The following FBXL17 variants were observed in gnomAD, a reference collection of about 807,000 sequenced individuals.
FBXL17 encodes F-box/LRR-repeat protein 17.
Under a neutral mutation model 66.2 loss-of-function variants are expected in FBXL17, and 22 were observed. The ratio of observed to expected loss-of-function variants is 0.33; its 90% CI spans 0.24 to 0.47. FBXL17 has a LOEUF of 0.47. FBXL17 is among the 20% of genes least tolerant of loss of function. FBXL17 has a pLI of 1.00. For synonymous variants in FBXL17, 474 were observed against 400.5 expected, an observed-to-expected ratio of 1.18 and a Z score of -2.19; for missense variants, 878 against 948.2, an observed-to-expected ratio of 0.93 and a Z score of 0.97.
chr5:108,217,346 G>A (rs562892825), intron 5 of FBXL17, among the ~76,000 whole-genome samples: 5 of 152,146 alleles, frequency 3.3e-5, no homozygotes, highest in South Asian at 2.1e-4. Context: ...AGTTTGTTTC[G>A]ATATTATATT....
In FBXL17 at chr5:108,083,272, T is replaced by C. The variant is rs1430568024; in HGVS notation, c.1746-62271A>G. 2.1e-5 allele frequency among the ~76,000 whole-genome samples: 3 copies of C among 144,738 alleles called. No individual in the cohort carries two copies. The East Asian group carries it at 6.0e-4, about 29-fold the overall frequency. 95.0% of individuals were successfully genotyped at this position (144,738 alleles called of 152,430 possible). A position where few individuals can be genotyped will look rare whatever the true frequency, so the allele number is the denominator to read the frequency against. On this transcript the variant is annotated intron_variant, in intron 6 of 8. Transcript: ENST00000542267. ...ACACAGAGAGAGAGATAGACAGATA[T>C]ATTAAGACAGCAGCTTCTTTTATCA...
chr5:108,333,321 A>AATACT (rs1561534844), intron 4 of FBXL17, among the ~76,000 whole-genome samples: 1 of 152,046 alleles, frequency 6.6e-6, no homozygotes, highest in Non-Finnish European at 1.5e-5. Context: ...AGAAGATGTA[A>AATACT]GGTTACCTGA....
intron 5 of FBXL17, among the ~76,000 whole-genome samples, chr5:108,199,534 G>C (rs186687725): frequency 6.6e-6 from 1 of 152,202 alleles, no homozygotes; most frequent in Admixed American, 6.5e-5. Context: ...AGCTTTATTA[G>C]TCTTAATTGT....
At chr5:108,167,831 G>T (rs969857278) in intron 6 of FBXL17, among the ~76,000 whole-genome samples, 3 of 152,114 alleles carry the variant, frequency 2.0e-5, no homozygotes, top group African/African-American at 7.2e-5. Context: ...CAGAAAAAAA[G>T]TAGACAGATC....
At chr5:108,035,723 C>T (rs1392943698) in intron 6 of FBXL17, among the ~76,000 whole-genome samples, 1 of 152,052 alleles carries the variant, frequency 6.6e-6, no homozygotes, top group African/African-American at 2.4e-5. Flanking sequence ...AAATGCAGTA[C>T]CACCATATTT....
intron 6 of FBXL17, among the ~76,000 whole-genome samples, chr5:108,146,871 G>A (rs1580511483): frequency 6.6e-6 from 1 of 152,276 alleles, no homozygotes; most frequent in Admixed American, 6.5e-5. Context: ...TGTTCCTGCT[G>A]TTATAGCAAA....
At chr5:108,224,767 G>GT (rs147141846) in intron 4 of FBXL17, among the ~76,000 whole-genome samples, 2,847 of 151,278 alleles carry the variant, frequency 0.019, 91 homozygotes, top group African/African-American at 0.064. Context: ...AGTTTTTTTG[G>GT]TTTTTTTTGT....
chr5:108,248,289 C>T (rs1312269469), intron 4 of FBXL17, among the ~76,000 whole-genome samples: 1 of 151,966 alleles, frequency 6.6e-6, no homozygotes, highest in Non-Finnish European at 1.5e-5. Context: ...AGTTTTTGAA[C>T]TAAAAAATAC....
intron 8 of FBXL17, chr5:107,879,115 C>A (rs553359774): frequency 1.0e-6 from 1 of 985,468 alleles, no homozygotes; most frequent in South Asian, 4.7e-5. Flanking sequence ...GAATAACATT[C>A]TCCTGTAGTA....
chr5:108,258,113 C>G (rs1355620804), intron 4 of FBXL17, among the ~76,000 whole-genome samples: 2 of 152,148 alleles, frequency 1.3e-5, no homozygotes, highest in Admixed American at 6.5e-5. Flanking sequence ...TAACTCCAGA[C>G]TGTATCTGGA....
chr5:108,287,593 A>G (rs1317693584), intron 4 of FBXL17, among the ~76,000 whole-genome samples: 3 of 152,068 alleles, frequency 2.0e-5, no homozygotes, highest in Admixed American at 1.3e-4. Context: ...CAGAATGACT[A>G]TTATTTAAAA....
intron 7 of FBXL17, among the ~76,000 whole-genome samples, chr5:107,936,921 A>G (rs1030311656): frequency 2.6e-5 from 4 of 152,118 alleles, no homozygotes; most frequent in African/African-American, 9.7e-5. Flanking sequence ...TTTTAAGTAT[A>G]TTAAGCAGTC....
chr5:108,374,267 TC>T (rs1749267836), intron 1 of FBXL17, among the ~76,000 whole-genome samples: 2 of 152,138 alleles, frequency 1.3e-5, no homozygotes, highest in Non-Finnish European at 2.9e-5. Context: ...ATAAAAACAT[TC>T]TCAAAGACCA....
chr5:108,188,204 A>T (rs1257711870), intron 5 of FBXL17, among the ~76,000 whole-genome samples: 1 of 152,190 alleles, frequency 6.6e-6, no homozygotes, highest in Non-Finnish European at 1.5e-5. Flanking sequence ...GAAGCTATAC[A>T]GAGAGAGTTC....
At chr5:108,347,104 T>A (rs1410432956) in intron 4 of FBXL17, among the ~76,000 whole-genome samples, 1 of 152,178 alleles carries the variant, frequency 6.6e-6, no homozygotes, top group Non-Finnish European at 1.5e-5. Flanking sequence ...AAATGTGTCA[T>A]TAGGTAATTT....
At chr5:108,212,225 T>C (rs1754407305) in intron 5 of FBXL17, among the ~76,000 whole-genome samples, 1 of 152,200 alleles carries the variant, frequency 6.6e-6, no homozygotes, top group African/African-American at 2.4e-5. Flanking sequence ...CAGTTAGCGA[T>C]TCGTCTAACC....
intron 5 of FBXL17, among the ~76,000 whole-genome samples, chr5:108,189,120 A>G (rs1392797294): frequency 6.6e-6 from 1 of 152,168 alleles, no homozygotes; most frequent in Non-Finnish European, 1.5e-5. Flanking sequence ...ATAGATGGCT[A>G]TGTACATTTA....
At chr5:108,070,045 T>C (rs1037714040) in intron 6 of FBXL17, among the ~76,000 whole-genome samples, 1 of 152,228 alleles carries the variant, frequency 6.6e-6, no homozygotes, top group Non-Finnish European at 1.5e-5. Context: ...ATATTTCAAA[T>C]TAAAATAATA....
intron 6 of FBXL17, among the ~76,000 whole-genome samples, chr5:108,124,002 T>A (rs940898541): frequency 6.6e-6 from 1 of 152,150 alleles, no homozygotes; most frequent in African/African-American, 2.4e-5. Context: ...TAAGTTTGAG[T>A]CAGTGACTGG....
Sources: gnomAD v4.1 joint callset for allele counts (sites outside exome capture counted in the v4.1 genomes callset) on GRCh38, gnomAD v4.1.1 for gene constraint, MANE v1.5 for transcripts, NCBI Gene and HGNC (gene_info 2026-07-23, HGNC 2026-07-21) for gene names.